The following CCDC91 variants were observed in gnomAD, a reference collection of about 807,000 sequenced individuals.
CCDC91 encodes coiled-coil domain-containing protein 91.
In CCDC91, 48 loss-of-function variants were observed where a neutral mutation model predicts 63.2. That is an observed-to-expected ratio of 0.76 (90% confidence interval 0.60 to 0.97). CCDC91 has a LOEUF of 0.97. CCDC91 is among the 50% of genes least tolerant of loss of function. CCDC91 has a pLI of 0.00. For missense variants in CCDC91, 500 were observed against 494.6 expected, an observed-to-expected ratio of 1.01 and a Z score of -0.10; for synonymous variants, 167 against 165.8, an observed-to-expected ratio of 1.01 and a Z score of -0.06.
intron 1 of CCDC91, among the ~76,000 whole-genome samples, chr12:28,196,026 G>A (rs1336580496): frequency 6.6e-6 from 1 of 152,158 alleles, no homozygotes; most frequent in African/African-American, 2.4e-5. Flanking sequence ...GATTGATTGA[G>A]CCTGGGAGGT....
intron 1 of CCDC91, among the ~76,000 whole-genome samples, chr12:28,239,994 T>C (rs1355898242): frequency 6.6e-6 from 1 of 152,216 alleles, no homozygotes; most frequent in Non-Finnish European, 1.5e-5. Flanking sequence ...CTGTGGAATA[T>C]ATTTTCTTTA....
rs1487835692 is a variant in CCDC91, at chr12:28,368,154, T to C, written c.654+5639T>C. 2.0e-5 allele frequency among the ~76,000 whole-genome samples: 3 copies of C among 152,288 alleles called. No individual in the cohort carries two copies. In the East Asian group the frequency reaches 5.8e-4, roughly 29 times the overall value. Reference sequence around the variant, plus strand: ...CCCTCAACCAAAAATTGAAAATCTTTAAAGCAGCCAGAGAAAAATGACATT... The same window carrying C: ...CCCTCAACCAAAAATTGAAAATCTTCAAAGCAGCCAGAGAAAAATGACATT... On this transcript the variant is annotated intron_variant, in intron 7 of 12. Transcript: ENST00000536442.
intron 3 of CCDC91, among the ~76,000 whole-genome samples, chr12:28,301,869 T>G (rs1938116564): frequency 2.0e-5 from 3 of 151,816 alleles, no homozygotes; most frequent in Admixed American, 2.0e-4. Context: ...GCTTACTAAT[T>G]TTTTCTGTTT....
chr12:28,314,256 GATTT>G (rs1442157497), intron 6 of CCDC91, among the ~76,000 whole-genome samples: 4 of 151,798 alleles, frequency 2.6e-5, no homozygotes, highest in Non-Finnish European at 5.9e-5. Context: ...CCTATAAATG[GATTT>G]ATACAGCCCC....
At chr12:28,519,126 A>G (rs1940292637) in intron 12 of CCDC91, among the ~76,000 whole-genome samples, 1 of 151,750 alleles carries the variant, frequency 6.6e-6, no homozygotes, top group African/African-American at 2.4e-5. Flanking sequence ...GAATTTGTAG[A>G]TTGCTTTTGG....
intron 11 of CCDC91, among the ~76,000 whole-genome samples, chr12:28,471,804 C>A (rs188735887): frequency 6.6e-5 from 10 of 151,544 alleles, no homozygotes; most frequent in Non-Finnish European, 1.3e-4. Flanking sequence ...GACTGGAGTG[C>A]AGTGGTGCAA....
chr12:28,507,396 A>G (rs1332877235), intron 12 of CCDC91, among the ~76,000 whole-genome samples: 1 of 151,992 alleles, frequency 6.6e-6, no homozygotes, highest in Non-Finnish European at 1.5e-5. Flanking sequence ...CACCCAATAG[A>G]TGCCAGTAGT....
intron 12 of CCDC91, among the ~76,000 whole-genome samples, chr12:28,541,317 G>A (rs1027287394): frequency 4.6e-5 from 3 of 65,324 alleles, no homozygotes; most frequent in Non-Finnish European, 1.1e-4. Context: ...CCATATGTGT[G>A]TGCAAAGAAA....
chr12:28,407,508 T>C (rs1403354332), intron 8 of CCDC91, among the ~76,000 whole-genome samples: 1 of 152,222 alleles, frequency 6.6e-6, no homozygotes, highest in Admixed American at 6.5e-5. Flanking sequence ...ATATTTTAGG[T>C]TCTTTGCATT....
At chr12:28,489,706 A>T (rs886104033) in intron 12 of CCDC91, among the ~76,000 whole-genome samples, 6 of 151,894 alleles carry the variant, frequency 4.0e-5, no homozygotes, top group Admixed American at 1.3e-4. Flanking sequence ...AATTTTCTTT[A>T]CTTCAAAGGT....
chr12:28,243,571 G>A (rs1005088116), intron 1 of CCDC91, among the ~76,000 whole-genome samples: 13 of 152,032 alleles, frequency 8.6e-5, no homozygotes, highest in African/African-American at 2.9e-4. Context: ...AGATAAAAAA[G>A]TCAGCAAAGG....
chr12:28,248,909 T>G (rs1945938780), intron 1 of CCDC91, among the ~76,000 whole-genome samples: 1 of 152,210 alleles, frequency 6.6e-6, no homozygotes, highest in Non-Finnish European at 1.5e-5. Flanking sequence ...GAGCCCAGGT[T>G]GCTGGGAGGG....
At chr12:28,332,094 CTTCA>C (rs1941565435) in intron 6 of CCDC91, among the ~76,000 whole-genome samples, 1 of 151,986 alleles carries the variant, frequency 6.6e-6, no homozygotes, top group Admixed American at 6.6e-5. Context: ...TATTTTTATC[CTTCA>C]TTCAGAAAGG....
intron 3 of CCDC91, among the ~76,000 whole-genome samples, chr12:28,305,123 C>T (rs1248790779): frequency 6.6e-6 from 1 of 151,972 alleles, no homozygotes; most frequent in African/African-American, 2.4e-5. Context: ...TGTTCTTTCC[C>T]CTTACTTATT....
chr12:28,255,155 T>C, intron 1 of CCDC91, among the ~76,000 whole-genome samples: 1 of 152,186 alleles, frequency 6.6e-6, no homozygotes, highest in East Asian at 1.9e-4. Context: ...GGAAACTGAC[T>C]GTATTTGGTT....
At chr12:28,252,274 C>G (rs1189341708) in intron 1 of CCDC91, among the ~76,000 whole-genome samples, 2 of 151,866 alleles carry the variant, frequency 1.3e-5, no homozygotes, top group Non-Finnish European at 2.9e-5. Flanking sequence ...TTCTCTTGGA[C>G]AGTTGATATA....
chr12:28,277,425 C>T (rs1948312812), intron 3 of CCDC91, among the ~76,000 whole-genome samples: 2 of 151,992 alleles, frequency 1.3e-5, no homozygotes, highest in South Asian at 4.1e-4. Context: ...AAACTGAATA[C>T]AACTGCATTT....
intron 1 of CCDC91, among the ~76,000 whole-genome samples, chr12:28,227,119 T>C (rs1183850466): frequency 2.0e-5 from 3 of 152,170 alleles, no homozygotes; most frequent in South Asian, 4.1e-4. Flanking sequence ...CTGTGACTTA[T>C]TGTGACTTAT....
intron 6 of CCDC91, among the ~76,000 whole-genome samples, chr12:28,326,194 G>C (rs1429346180): frequency 6.6e-6 from 1 of 152,074 alleles, no homozygotes; most frequent in Non-Finnish European, 1.5e-5. Flanking sequence ...ATTCTGCTTA[G>C]AAGTAAGACA....
Sources: gnomAD v4.1 joint callset for allele counts (sites outside exome capture counted in the v4.1 genomes callset) on GRCh38, gnomAD v4.1.1 for gene constraint, MANE v1.5 for transcripts, NCBI Gene and HGNC (gene_info 2026-07-23, HGNC 2026-07-21) for gene names.